OLAH: variants seen among roughly 807,000 people sequenced by gnomAD.
OLAH encodes oleoyl-ACP hydrolase.
In OLAH, 33 loss-of-function variants were observed where a neutral mutation model predicts 27.8. The ratio of observed to expected loss-of-function variants is 1.19; its 90% CI spans 0.90 to 1.59. The LOEUF (loss-of-function observed/expected upper bound fraction) is 1.59. OLAH is among the 40% of genes most tolerant of loss of function. The pLI, the probability that OLAH is intolerant of heterozygous loss-of-function variation, is 0.00. For missense variants in OLAH, 359 were observed against 310.8 expected, an observed-to-expected ratio of 1.16 and a Z score of -1.17; for synonymous variants, 120 against 102.9, an observed-to-expected ratio of 1.17 and a Z score of -1.01.
intron 1 of OLAH, among the ~76,000 whole-genome samples, 182 bp from the exon 2 acceptor site, chr10:15,046,944 G>C (rs979679528): frequency 6.6e-6 from 1 of 152,146 alleles, no homozygotes; most frequent in African/African-American, 2.4e-5. Context: ...CCTGTTAATG[G>C]AAGCACTTAC....
intron 1 of OLAH, among the ~76,000 whole-genome samples, chr10:15,033,387 T>C (rs1164780465): frequency 6.6e-6 from 1 of 151,978 alleles, no homozygotes; most frequent in Non-Finnish European, 1.5e-5. Flanking sequence ...TCCTTTCTTA[T>C]CATTATTTAC....
At chr10:15,036,044 T>C (rs1418119915) in intron 1 of OLAH, among the ~76,000 whole-genome samples, 1 of 152,156 alleles carries the variant, frequency 6.6e-6, no homozygotes, top group Non-Finnish European at 1.5e-5. Context: ...ATGCCTGCAA[T>C]GAGAAACCAG....
intron 3 of OLAH, among the ~76,000 whole-genome samples, chr10:15,058,287 CT>C (rs1844286159): frequency 6.6e-6 from 1 of 151,884 alleles, no homozygotes; most frequent in African/African-American, 2.4e-5. Context: ...CACATGGGGT[CT>C]CCCTATGTTG....
chr10:15,065,824 C>A (rs1486638167), intron 6 of OLAH, 71 bp downstream of exon 6: 24 of 1,405,464 alleles, frequency 1.7e-5, no homozygotes, highest in Non-Finnish European at 2.0e-5. Context: ...ATTGGCAGTG[C>A]TCTGAGGTTG....
intron 1 of OLAH, among the ~76,000 whole-genome samples, chr10:15,033,633 A>G (rs1843792767): frequency 6.6e-6 from 1 of 152,164 alleles, no homozygotes; most frequent in African/African-American, 2.4e-5. Flanking sequence ...ACAGTTTTGA[A>G]GGCTGGGAAG....
chr10:15,071,411 G>A (rs1364158596), intron 6 of OLAH: 4 of 544,740 alleles, frequency 7.3e-6, no homozygotes, highest in Non-Finnish European at 9.4e-6. Flanking sequence ...CAATAAACAC[G>A]TTTGCTGCTG....
intron 6 of OLAH, among the ~76,000 whole-genome samples, chr10:15,067,077 T>G (rs781481243): frequency 6.6e-6 from 1 of 152,230 alleles, no homozygotes; most frequent in Non-Finnish European, 1.5e-5. Context: ...GTTAATTCGC[T>G]TGACTTAATC....
chr10:15,050,011 A>G (rs1452872093), intron 3 of OLAH, among the ~76,000 whole-genome samples: 2 of 152,178 alleles, frequency 1.3e-5, no homozygotes, highest in African/African-American at 4.8e-5. Context: ...CTTTGGTATA[A>G]TTATTGATAT....
intron 1 of OLAH, among the ~76,000 whole-genome samples, chr10:15,033,475 G>A (rs1436866352): frequency 6.6e-6 from 1 of 151,916 alleles, no homozygotes; most frequent in African/African-American, 2.4e-5. Context: ...GAGGAGAGAG[G>A]AAGAAGAAAA....
Position 15,065,595 on chromosome 10 carries a change from G to T in OLAH, c.414G>T (p.Trp138Cys), listed in dbSNP as rs1049607817. Residue 138 changes from tryptophan to cysteine, a missense_variant, in exon 6 of 8, where the codon TGG becomes TGT. Trp to Cys is a radical substitution (Grantham distance 215). Coordinates refer to ENST00000378228, the MANE Select transcript of OLAH (RefSeq NM_001039702.3). ...GTTCATGTTTCAAGTCAAAGGCCTG[G>T]CATCGCATTCCCAAAGATGATGAAT... ...SSATPVHSKA[W>C]HRIPKDDELS... The T allele has an allele frequency of 2.3e-5, 37 of 1,610,474 alleles. No homozygotes were observed. The highest frequency in any genetic ancestry group is 3.0e-5 in the Non-Finnish European group (35 of 1,178,916).
upstream of OLAH, among the ~76,000 whole-genome samples, chr10:15,042,930 C>T (rs937482911): frequency 8.6e-5 from 12 of 139,504 alleles, no homozygotes; most frequent in South Asian, 2.3e-4. Flanking sequence ...GCGTGATCTC[C>T]GCTCACTGCA....
chr10:15,036,068 A>G (rs946866048), intron 1 of OLAH, among the ~76,000 whole-genome samples: 2 of 152,228 alleles, frequency 1.3e-5, no homozygotes, highest in Non-Finnish European at 2.9e-5. Context: ...AGGAAACTGC[A>G]CACGACCTGC....
chr10:15,057,128 T>A, intron 3 of OLAH: 2 of 1,088,586 alleles, frequency 1.8e-6, no homozygotes, highest in Non-Finnish European at 1.2e-6. Context: ...TGGCTTGCTT[T>A]AAAAGCAAGC....
upstream of OLAH, among the ~76,000 whole-genome samples, chr10:15,040,890 T>G (rs1158831512): frequency 6.6e-6 from 1 of 152,112 alleles, no homozygotes; most frequent in Non-Finnish European, 1.5e-5. Flanking sequence ...AAACCATCCC[T>G]TTCTCTCTTT....
chr10:15,060,883 G>A (rs1844349115), intron 3 of OLAH, among the ~76,000 whole-genome samples: 1 of 152,144 alleles, frequency 6.6e-6, no homozygotes, highest in Admixed American at 6.6e-5. Flanking sequence ...TTCCTGTACA[G>A]TGTGTTAGAC....
intron 1 of OLAH, among the ~76,000 whole-genome samples, chr10:15,037,413 T>C (rs72774340): frequency 0.13 from 20,213 of 151,882 alleles, 1,463 homozygotes; most frequent in South Asian, 0.26. Context: ...AAACCCCGTC[T>C]CTACTAAAAA....
At chr10:15,062,419 C>T (rs1844385843) in intron 4 of OLAH, among the ~76,000 whole-genome samples, 1 of 151,870 alleles carries the variant, frequency 6.6e-6, no homozygotes, top group South Asian at 2.1e-4. Flanking sequence ...TAAAAAGTAT[C>T]CATCATCCTA....
intron 3 of OLAH, among the ~76,000 whole-genome samples, chr10:15,058,669 A>T (rs987988917): frequency 6.6e-6 from 1 of 152,198 alleles, no homozygotes; most frequent in African/African-American, 2.4e-5. Flanking sequence ...ATATATTTAC[A>T]TGATTACCTT....
chr10:15,072,643 C>T (rs565268078), intron 7 of OLAH, among the ~76,000 whole-genome samples: 8 of 151,216 alleles, frequency 5.3e-5, no homozygotes, highest in South Asian at 2.1e-4. Context: ...TCTGTGTGAG[C>T]GAGAAGTTTT....
Sources: allele counts gnomAD v4.1 joint callset (sites outside exome capture counted in the v4.1 genomes callset), GRCh38; gene constraint gnomAD v4.1.1; transcripts MANE v1.5; gene names NCBI Gene and HGNC (gene_info 2026-07-23, HGNC 2026-07-21).